The following LY75 variants were observed in gnomAD, a reference collection of about 807,000 sequenced individuals.
LY75 encodes the protein lymphocyte antigen 75, also known as C-type lectin domain family 13 member B.
LY75 carries 185 observed loss-of-function variants against 231.7 expected under a neutral mutation model. The observed-to-expected ratio is 0.80, with a 90% CI of 0.71 to 0.90. LY75 has a LOEUF of 0.90. Ranked by LOEUF, LY75 falls within the 40% of genes least tolerant of loss-of-function variation. LY75 has a pLI of 0.00. For synonymous variants in LY75, 668 were observed against 689.0 expected (o/e 0.97, Z 0.48); for missense variants, 1,947 against 2,050.2 (o/e 0.95, Z 0.97).
intron 3 of LY75, among the ~76,000 whole-genome samples, chr2:159,893,021 TA>T (rs1213396359): frequency 2.0e-5 from 3 of 151,802 alleles, no homozygotes; most frequent in Admixed American, 6.6e-5. Flanking sequence ...CTTTTTTAAA[TA>T]AAAAAAAGCC....
At chr2:159,875,127 A>G (rs1020559648) in intron 12 of LY75, among the ~76,000 whole-genome samples, 4 of 151,318 alleles carry the variant, frequency 2.6e-5, no homozygotes, top group Admixed American at 2.0e-4. Context: ...TTTGACAACA[A>G]GAATTAGAGG....
In LY75 at chr2:159,860,727, T is replaced by C; in HGVS notation, c.2268+94A>G. On this transcript the variant is annotated intron_variant, in intron 15 of 34. Transcript: ENST00000263636. ...CTCTCACTGCATCTAACATCATGCTTCACATAAAAAGACACTCCATGGATC... is the reference window on the plus strand; with the variant it reads ...CTCTCACTGCATCTAACATCATGCTCCACATAAAAAGACACTCCATGGATC... 3 of 1,467,340 alleles carry C rather than the reference T, an allele frequency of 2.0e-6. No individual in the cohort carries two copies. The South Asian group carries it at 3.5e-5, about 17-fold the overall frequency. The allele number at this position is 1,467,340 out of a possible 1,614,324, so 90.9% of individuals were successfully genotyped here.
In LY75 at chr2:159,834,114, A is replaced by G. The variant is rs780327978; in HGVS notation, c.3771T>C (p.Asn1257=). 6.2e-7 allele frequency: 1 copy of G among 1,614,062 alleles called. No homozygotes were observed. The highest frequency in any genetic ancestry group is 8.5e-7 in the Non-Finnish European group (1 of 1,179,970). ...PWIPFQNCCY[N]FIITKNRHMA... is the part of the protein sequence containing the mutation. ...TATGCCTATTCTTTGTTATTATGAA[A>G]TTGTAGCAACAGTTCTGAAATGGTA... is the stretch of plus-strand genomic sequence containing the variant. The change falls in exon 27 of 35, where the codon AAT becomes AAC. Residue 1257 remains asparagine, a synonymous_variant. Coordinates refer to ENST00000263636, the MANE Select transcript of LY75 (RefSeq NM_002349.4).
chr2:159,808,845 A>C (rs1426094929), intron 32 of LY75, among the ~76,000 whole-genome samples: 1 of 152,102 alleles, frequency 6.6e-6, no homozygotes, highest in Admixed American at 6.6e-5. Flanking sequence ...TACCCCTGAG[A>C]CCTCTCTGAC....
At chr2:159,848,283 T>G (rs1391347813) in intron 23 of LY75, among the ~76,000 whole-genome samples, 1 of 151,968 alleles carries the variant, frequency 6.6e-6, no homozygotes, top group Non-Finnish European at 1.5e-5. Flanking sequence ...AGACTATTAT[T>G]CTAAGTGAAG....
At chr2:159,869,120 C>T (rs927929291) in intron 13 of LY75, among the ~76,000 whole-genome samples, 5 of 151,844 alleles carry the variant, frequency 3.3e-5, no homozygotes, top group Admixed American at 1.3e-4. Flanking sequence ...GGACACAGGG[C>T]GGGGAACATC....
At chr2:159,895,849 G>A (rs1685895172) in intron 2 of LY75, among the ~76,000 whole-genome samples, 1 of 152,124 alleles carries the variant, frequency 6.6e-6, no homozygotes, top group South Asian at 2.1e-4. Context: ...GCTAAATTAC[G>A]CTAACTATTC....
intron 11 of LY75, 91 bp downstream of exon 11, chr2:159,878,233 C>T: frequency 6.6e-7 from 1 of 1,507,388 alleles, no homozygotes; most frequent in East Asian, 2.3e-5. Context: ...ATGTCCCTCA[C>T]ATTTCAAAAG....
intron 28 of LY75, among the ~76,000 whole-genome samples, chr2:159,830,315 T>C (rs2125840247): frequency 6.6e-6 from 1 of 152,240 alleles, no homozygotes; most frequent in East Asian, 1.9e-4. Flanking sequence ...CATTGTCCTG[T>C]GCCCCTTATC....
chr2:159,869,920 CA>C (rs1346027279), intron 13 of LY75, among the ~76,000 whole-genome samples: 2 of 152,290 alleles, frequency 1.3e-5, no homozygotes, highest in African/African-American at 4.8e-5. Context: ...ACTCACCTCA[CA>C]AAGAACCCAA....
chr2:159,805,117 G>A lies in LY75; in HGVS notation c.5096C>T (p.Ala1699Val), dbSNP rs759850087. 1.6e-5 allele frequency: 26 copies of A among 1,613,866 alleles called. No individual in the cohort carries two copies. Among genetic ancestry groups the A allele is most frequent in the South Asian group, 1.5e-4 (14 of 91,078 alleles). Residue 1699 changes from alanine (A) to valine (V), a missense_variant, in exon 35 of 35, where the codon GCG becomes GTG. Ala to Val is a moderately conservative substitution (Grantham distance 64). Transcript: ENST00000263636. The stretch of plus-strand genomic sequence containing the variant: ...TGCATATCGAACTGATGAGAAACCC[G>A]CCAGGTGCAAACGGTGCCTTTGGAA... ...FLFQRHRLHLAGFSSVRYAQG... is the reference protein window; with the variant it reads ...FLFQRHRLHLVGFSSVRYAQG...
chr2:159,868,398 T>C (rs944008226), intron 13 of LY75, among the ~76,000 whole-genome samples: 11 of 152,192 alleles, frequency 7.2e-5, no homozygotes, highest in African/African-American at 2.7e-4. Flanking sequence ...GCTAAATGTG[T>C]AGAGATGTAA....
chr2:159,871,292 A>G (rs1049117217), intron 13 of LY75, among the ~76,000 whole-genome samples: 2 of 152,236 alleles, frequency 1.3e-5, no homozygotes, highest in Middle Eastern at 6.8e-3. Flanking sequence ...ATTTGAGTAA[A>G]TATAAGACAA....
chr2:159,856,053 T>C (rs1203032895), intron 16 of LY75, among the ~76,000 whole-genome samples: 2 of 152,210 alleles, frequency 1.3e-5, no homozygotes, highest in Non-Finnish European at 2.9e-5. Flanking sequence ...TGTAATCTTG[T>C]CAAAGACTTC....
chr2:159,824,897 C>A (rs1366458101), intron 28 of LY75, among the ~76,000 whole-genome samples: 1 of 152,150 alleles, frequency 6.6e-6, no homozygotes, highest in African/African-American at 2.4e-5. Context: ...TAAAGATGTT[C>A]TTTGAAACCA....
intron 23 of LY75, among the ~76,000 whole-genome samples, chr2:159,847,361 T>C (rs546980532): frequency 1.8e-4 from 28 of 152,274 alleles, no homozygotes; most frequent in African/African-American, 6.7e-4. Flanking sequence ...AGACAGGGTC[T>C]TGCTCTGTTG....
In LY75 at chr2:159,894,175, C is replaced by T. The variant is rs1050117480; in HGVS notation, c.467-91G>A. 8 of 1,436,192 alleles carry T rather than the reference C, an allele frequency of 5.6e-6. No individual in the cohort carries two copies. In the African/African-American group the frequency reaches 7.2e-5, roughly 13 times the overall value. 89.0% of individuals were successfully genotyped at this position (1,436,192 alleles called of 1,614,324 possible). A position where few individuals can be genotyped will look rare whatever the true frequency, so the allele number is the denominator to read the frequency against. On this transcript the variant is annotated intron_variant, in intron 2 of 34. Coordinates refer to ENST00000263636, the MANE Select transcript of LY75 (RefSeq NM_002349.4). ...TTTCTAAAACTGTTTTTAAAAGAAACGTTGTTTAGAATACAATATCCGAGT... is the reference window on the plus strand; with the variant it reads ...TTTCTAAAACTGTTTTTAAAAGAAATGTTGTTTAGAATACAATATCCGAGT...
At chr2:159,883,222 G>T (rs1239451815) in intron 6 of LY75, among the ~76,000 whole-genome samples, 1 of 150,682 alleles carries the variant, frequency 6.6e-6, no homozygotes, top group South Asian at 2.1e-4. Flanking sequence ...CATGGCACAC[G>T]TATACATATG....
chr2:159,854,328 A>G (rs193193881), intron 18 of LY75, 32 bp downstream of exon 18: 5 of 1,266,166 alleles, frequency 3.9e-6, no homozygotes, highest in Admixed American at 7.5e-5. Flanking sequence ...CAAAAATAAG[A>G]AATATATTTA....
Sources: allele counts gnomAD v4.1 joint callset (sites outside exome capture counted in the v4.1 genomes callset), GRCh38; gene constraint gnomAD v4.1.1; transcripts MANE v1.5; gene names NCBI Gene and HGNC (gene_info 2026-07-23, HGNC 2026-07-21).